The following IL12B variants were observed in gnomAD, a reference collection of about 807,000 sequenced individuals.
IL12B encodes interleukin-12 subunit beta.
A neutral mutation model predicts 39.2 loss-of-function variants in IL12B; 27 were observed. The observed-to-expected ratio is 0.69, with a 90% CI of 0.51 to 0.95. The LOEUF is 0.95. IL12B is among the 40% of genes least tolerant of loss of function. The pLI, the probability that IL12B is intolerant of heterozygous loss-of-function variation, is 0.00. For synonymous variants in IL12B, 142 were observed against 152.1 expected, an observed-to-expected ratio of 0.93 and a Z score of 0.49; for missense variants, 351 against 397.6, an observed-to-expected ratio of 0.88 and a Z score of 1.00.
intron 2 of IL12B, 98 bp downstream of exon 2, chr5:159,326,597 C>T: frequency 1.2e-6 from 1 of 814,952 alleles, no homozygotes; most frequent in East Asian, 2.4e-5. Flanking sequence ...GGACCCAGTG[C>T]ATGGTTGCCC....
Position 159,316,795 on chromosome 5 carries a change from T to C in IL12B, c.877A>G (p.Lys293Glu), listed in dbSNP as rs1177184657. Reference protein sequence around the residue: ...REKKDRVFTDKTSATVICRKN... With the variant: ...REKKDRVFTDETSATVICRKN... ...CGGCAGATGACCGTGGCTGAGGTCT[T>C]GTCCGTGAAGACTCTATCTTTCTGC... Residue 293 changes from lysine to glutamate, a missense_variant, in exon 7 of 8, where the codon AAG becomes GAG. Lys to Glu is a moderately conservative substitution (Grantham distance 56). Coordinates refer to ENST00000231228, the MANE Select transcript of IL12B (RefSeq NM_002187.3). 5.0e-6 allele frequency: 8 copies of C among 1,613,982 alleles called. No homozygotes were observed. Among genetic ancestry groups the C allele is most frequent in the Non-Finnish European group, 6.8e-6 (8 of 1,180,038 alleles).
At chr5:159,322,746 C>T (rs1032930127) in intron 3 of IL12B, among the ~76,000 whole-genome samples, 10 of 152,130 alleles carry the variant, frequency 6.6e-5, no homozygotes, top group African/African-American at 1.9e-4. Flanking sequence ...CACCCCAGTG[C>T]AGAGTGATAC....
chr5:159,323,374 A>G, intron 2 of IL12B, 45 bp from the exon 3 acceptor site: 2 of 1,589,572 alleles, frequency 1.3e-6, no homozygotes, highest in South Asian at 2.2e-5. Context: ...AGCTCCAGGA[A>G]CTCTGGGACT....
At position 159,315,367 on chromosome 5, in the gene IL12B, T is replaced by C. The variant is rs1359059270; in HGVS notation, c.*734A>G. On this transcript the variant is annotated 3_prime_UTR_variant, in exon 8 of 8. Transcript: ENST00000231228. ...GCCACCACGCCTGGCTAATTTTAAA[T>C]TTTTTTTGTAGAGACGGGGTCTTGT... 6.6e-6 allele frequency: 1 copy of C among 152,042 alleles called. No individual in the cohort carries two copies. Among genetic ancestry groups the C allele is most frequent in the East Asian group, 1.9e-4 (1 of 5,212 alleles). The allele number at this position is 152,042 out of a possible 1,614,324, so 9.4% of individuals were successfully genotyped here. A position where few individuals can be genotyped will look rare whatever the true frequency, so the allele number is the denominator to read the frequency against.
At chr5:159,322,947 A>G (rs1289301051) in intron 3 of IL12B, 107 bp downstream of exon 3, 2 of 1,084,874 alleles carry the variant, frequency 1.8e-6, no homozygotes, top group African/African-American at 1.6e-5. Flanking sequence ...ACTTGATGTT[A>G]ATTCATTACA....
rs540469952 is a variant in IL12B at position 159,318,039 on chromosome 5, C to T, written c.855+697G>A. 9.7e-4 allele frequency: 148 copies of T among 153,310 alleles called. 4 individuals are homozygous for T. In the South Asian group the frequency reaches 0.027, roughly 28 times the overall value. 9.5% of individuals were successfully genotyped at this position (153,310 alleles called of 1,614,324 possible). A position where few individuals can be genotyped will look rare whatever the true frequency, so the allele number is the denominator to read the frequency against. On this transcript the variant is annotated intron_variant, in intron 6 of 7. Coordinates refer to ENST00000231228, the MANE Select transcript of IL12B (RefSeq NM_002187.3). ...GAAATGATGATAATACTACTGGCTA[C>T]CAACCATCCTTTTCTTGGGGTTGGG...
chr5:159,323,378 T>C (rs1244981439), intron 2 of IL12B, 49 bp from the exon 3 acceptor site: 1 of 1,584,736 alleles, frequency 6.3e-7, no homozygotes, highest in East Asian at 2.2e-5. Flanking sequence ...CCAGGAACTC[T>C]GGGACTGTGT....
chr5:159,322,993 G>C, intron 3 of IL12B, 61 bp downstream of exon 3: 1 of 1,511,118 alleles, frequency 6.6e-7, no homozygotes, highest in East Asian at 2.3e-5. Flanking sequence ...TGTTGTTGTT[G>C]TTGTTTTTAA....
At chr5:159,316,891 T>A in intron 6 of IL12B, 75 bp from the exon 7 acceptor site, 1 of 1,538,644 alleles carries the variant, frequency 6.5e-7, no homozygotes, top group South Asian at 1.1e-5. Context: ...GTTTCTGCAA[T>A]GCATACTCTC....
intron 2 of IL12B, chr5:159,325,589 A>G (rs1754172769): frequency 6.6e-6 from 1 of 152,208 alleles, no homozygotes; most frequent in Non-Finnish European, 1.5e-5. Flanking sequence ...CGTTTTCACA[A>G]ATTTAAGTGC....
chr5:159,320,181 T>G (rs1754062085), intron 5 of IL12B, 125 bp downstream of exon 5: 5 of 821,936 alleles, frequency 6.1e-6, no homozygotes. Flanking sequence ...TCGTATTTTG[T>G]TTTTGGATGC....
intron 7 of IL12B, among the ~76,000 whole-genome samples, chr5:159,316,384 C>A (rs1753989366): frequency 6.6e-6 from 1 of 152,224 alleles, no homozygotes; most frequent in African/African-American, 2.4e-5. Context: ...GTCCTGCAAG[C>A]TTGCAAGTCC....
rs544942744 is a variant in IL12B, at chr5:159,326,426, A to T, written c.88+269T>A. Among the ~76,000 whole-genome samples, 15 of 152,368 alleles carry T rather than the reference A, an allele frequency of 9.8e-5. No individual in the cohort carries two copies. In the East Asian group the frequency reaches 2.7e-3, roughly 27 times the overall value. ...GTTTTTAGTAATATTGGAAAATATC[A>T]TATGTCATATGTCTTTCCCCACCAT... is the stretch of plus-strand genomic sequence containing the variant. On this transcript the variant is annotated intron_variant, in intron 2 of 7. Transcript: ENST00000231228.
intron 1 of IL12B, among the ~76,000 whole-genome samples, chr5:159,330,122 G>A (rs1754253464): frequency 6.6e-6 from 1 of 152,116 alleles, no homozygotes; most frequent in African/African-American, 2.4e-5. Context: ...TAACATTTAG[G>A]AATATACTTT....
At chr5:159,319,282 C>T (rs1423838818) in intron 5 of IL12B, among the ~76,000 whole-genome samples, 1 of 152,204 alleles carries the variant, frequency 6.6e-6, no homozygotes, top group East Asian at 1.9e-4. Flanking sequence ...CTAAGCTGAG[C>T]CTCTCCCTGG....
At chr5:159,317,213 G>A (rs3212226) in intron 6 of IL12B, among the ~76,000 whole-genome samples, 2,488 of 152,152 alleles carry the variant, frequency 0.016, 77 homozygotes, top group African/African-American at 0.057. Flanking sequence ...TTCAAATTCT[G>A]GCACTGCTAC....
chr5:159,330,169 A>G (rs1754253978), intron 1 of IL12B, among the ~76,000 whole-genome samples: 1 of 152,334 alleles, frequency 6.6e-6, no homozygotes. Context: ...ATAAGATAAA[A>G]CAAACATTTC....
At chr5:159,318,921 T>C (rs763308156) in intron 5 of IL12B, 28 bp from the exon 6 acceptor site, 11 of 1,606,160 alleles carry the variant, frequency 6.8e-6, no homozygotes, top group Non-Finnish European at 9.4e-6. Flanking sequence ...CATGCTTTAT[T>C]TTCCTAATAA....
In IL12B at chr5:159,323,103, G is replaced by T; in HGVS notation, c.315C>A (p.His105Gln). 6.2e-7 allele frequency: 1 copy of T among 1,614,074 alleles called. No homozygotes were observed. Among genetic ancestry groups the T allele is most frequent in the Non-Finnish European group, 8.5e-7 (1 of 1,179,994 alleles). ...TGGACCAAATTCCATCTTCCTTTTT[G>T]TGAAGCAGCAGGAGCGAATGGCTTA... ...EVLSHSLLLLHKKEDGIWSTD... is the reference protein window; with the variant it reads ...EVLSHSLLLLQKKEDGIWSTD... The change falls in exon 3 of 8, where the codon CAC becomes CAA. Residue 105 changes from histidine to glutamine, a missense_variant. Coordinates refer to ENST00000231228, the MANE Select transcript of IL12B (RefSeq NM_002187.3).
Sources: gnomAD v4.1 joint callset for allele counts (sites outside exome capture counted in the v4.1 genomes callset) on GRCh38, gnomAD v4.1.1 for gene constraint, MANE v1.5 for transcripts, NCBI Gene and HGNC (gene_info 2026-07-23, HGNC 2026-07-21) for gene names.